The following FAM184A variants were observed in gnomAD, a reference collection of about 807,000 sequenced individuals.
The protein encoded by FAM184A is family with sequence similarity 184 member A, also known as protein FAM184A.
A neutral mutation model predicts 143.8 loss-of-function variants in FAM184A; 99 were observed. The ratio of observed to expected loss-of-function variants is 0.69; its 90% CI spans 0.58 to 0.81. The LOEUF (loss-of-function observed/expected upper bound fraction) is 0.81. Ranked by LOEUF, FAM184A falls within the 40% of genes least tolerant of loss-of-function variation. The pLI, the probability that FAM184A is intolerant of heterozygous loss-of-function variation, is 0.00. For synonymous variants in FAM184A, 427 were observed against 446.4 expected (o/e 0.96, Z 0.55); for missense variants, 1,217 against 1,310.5 (o/e 0.93, Z 1.10).
At chr6:119,032,482 TG>T (rs1376703700) in intron 1 of FAM184A, among the ~76,000 whole-genome samples, 1 of 20,324 alleles carries the variant, frequency 4.9e-5, no homozygotes, top group African/African-American at 1.9e-4. Context: ...AGGGAGGGGG[TG>T]GGGGAGGGGG....
intron 1 of FAM184A, among the ~76,000 whole-genome samples, chr6:119,091,159 T>A (rs761387791): frequency 3.3e-5 from 5 of 152,194 alleles, no homozygotes; most frequent in Non-Finnish European, 7.3e-5. Context: ...TTGATACAAG[T>A]CATTTTTCTC....
At chr6:119,101,292 G>C (rs117808722) in intron 1 of FAM184A, among the ~76,000 whole-genome samples, 2,160 of 151,828 alleles carry the variant, frequency 0.014, 29 homozygotes, top group Non-Finnish European at 0.02. Context: ...GAATGGTCTT[G>C]AACTCCCAAC....
chr6:119,127,834 T>G (rs547854523), intron 1 of FAM184A, among the ~76,000 whole-genome samples: 8 of 152,288 alleles, frequency 5.3e-5, no homozygotes, highest in African/African-American at 1.2e-4. Context: ...ATTCATGCAT[T>G]CATTCATTCA....
chr6:118,978,491 T>C (rs1017123596), intron 11 of FAM184A, among the ~76,000 whole-genome samples: 1 of 152,234 alleles, frequency 6.6e-6, no homozygotes, highest in African/African-American at 2.4e-5. Context: ...CTCTAGCACA[T>C]GAAAAGGCTT....
chr6:119,088,517 T>C (rs1788287256), intron 1 of FAM184A, among the ~76,000 whole-genome samples: 1 of 152,224 alleles, frequency 6.6e-6, no homozygotes, highest in Non-Finnish European at 1.5e-5. Context: ...CTTCCCATTT[T>C]GGCCAGAAGA....
rs141406373 is a variant in FAM184A at position 119,120,355 on chromosome 6, G to A, written c.-202+28723C>T. The stretch of plus-strand genomic sequence containing the variant: ...GTATCTATATTCATTCCTCTTTATG[G>A]CCAGATAATACTCCATTGTATAGAC... On this transcript the variant is annotated intron_variant, in intron 1 of 16. Transcript: ENST00000352896. Among the ~76,000 whole-genome samples, 19 of 152,186 alleles carry A rather than the reference G, an allele frequency of 1.2e-4. No individual in the cohort carries two copies. The East Asian group carries it at 3.7e-3, about 29-fold the overall frequency.
chr6:119,042,997 A>C (rs1490911938), intron 1 of FAM184A, among the ~76,000 whole-genome samples: 4 of 152,174 alleles, frequency 2.6e-5, no homozygotes, highest in African/African-American at 9.7e-5. Flanking sequence ...GAATGCCAAG[A>C]GTCAGGCAGC....
At chr6:119,014,209 A>G (rs1785170720) in intron 5 of FAM184A, among the ~76,000 whole-genome samples, 1 of 152,258 alleles carries the variant, frequency 6.6e-6, no homozygotes, top group South Asian at 2.1e-4. Flanking sequence ...GTACATAGTA[A>G]GAAGTACTAA....
At chr6:119,080,878 G>T (rs1189315242), upstream of FAM184A, among the ~76,000 whole-genome samples, 3 of 152,112 alleles carry the variant, frequency 2.0e-5, no homozygotes, top group Non-Finnish European at 4.4e-5. Context: ...AGGTTGAATT[G>T]GCTCACAGTT....
At chr6:119,063,757 TA>T (rs145913242) in intron 1 of FAM184A, among the ~76,000 whole-genome samples, 6 of 151,782 alleles carry the variant, frequency 4.0e-5, no homozygotes, top group African/African-American at 7.3e-5. Context: ...TCCCTCATAA[TA>T]AAAAAAATGC....
intron 1 of FAM184A, among the ~76,000 whole-genome samples, chr6:119,055,808 C>T (rs1027463914): frequency 3.3e-5 from 5 of 152,132 alleles, no homozygotes; most frequent in Non-Finnish European, 7.3e-5. Flanking sequence ...CCCTTTTCAG[C>T]TCCTGTCTTG....
chr6:119,116,431 T>G (rs1414837967), intron 1 of FAM184A, among the ~76,000 whole-genome samples: 1 of 151,956 alleles, frequency 6.6e-6, no homozygotes, highest in South Asian at 2.1e-4. Flanking sequence ...ACAGGATCGT[T>G]GGGACCTCAA....
rs780727935 is a variant in FAM184A at position 119,023,116 on chromosome 6, G to T, written c.1015-36C>A. On this transcript the variant is annotated intron_variant, in intron 2 of 17. Coordinates refer to ENST00000338891, the MANE Select transcript of FAM184A (RefSeq NM_024581.6). ...TTAAATAGCCATTGTTAAAATGCAG[G>T]AATAATACTAAGCTAAATAATTCAT... The T allele has an allele frequency of 4.4e-6, 7 of 1,606,308 alleles. No homozygotes were observed. The East Asian group carries it at 1.1e-4, about 26-fold the overall frequency.
At chr6:119,068,303 C>A (rs1216302412) in intron 1 of FAM184A, among the ~76,000 whole-genome samples, 1 of 152,032 alleles carries the variant, frequency 6.6e-6, no homozygotes, top group Non-Finnish European at 1.5e-5. Context: ...CCCACCTCGG[C>A]CTCCCAAAGT....
chr6:119,078,725 C>A (rs1209573305), upstream of FAM184A: 1 of 153,912 alleles, frequency 6.5e-6, no homozygotes, highest in African/African-American at 2.4e-5. The surrounding 1 kb of genome is among the most constrained non-coding windows in gnomAD (Gnocchi z 5.5). Flanking sequence ...TGGAGGAGGA[C>A]GCGGGAGCCG....
At chr6:119,108,960 C>T (rs56121233) in intron 1 of FAM184A, among the ~76,000 whole-genome samples, 13,596 of 151,112 alleles carry the variant, frequency 0.09, 835 homozygotes, top group East Asian at 0.23. Context: ...CCACTATTTT[C>T]CAAAACAAGT....
At position 118,986,958 on chromosome 6, in the gene FAM184A, ATGC is replaced by A. The variant is rs201189367; in HGVS notation, c.2089-6611_2089-6609del. On this transcript the variant is annotated intron_variant, in intron 9 of 17. Transcript: ENST00000338891. Reference sequence around the variant, plus strand: ...TGTTTCTTTTAAGAGATGAAAGAAAATGCTGCTAAATGTATTTGCATATTTTAA... The same window carrying A: ...TGTTTCTTTTAAGAGATGAAAGAAAATGCTAAATGTATTTGCATATTTTAA... 7.5e-3 allele frequency among the ~76,000 whole-genome samples: 1,139 copies of A among 152,346 alleles called. 6 individuals are homozygous for A. Among genetic ancestry groups the A allele is most frequent in the South Asian group, 0.024 (116 of 4,828 alleles).
intron 1 of FAM184A, among the ~76,000 whole-genome samples, chr6:119,067,054 C>T (rs1411115261): frequency 1.3e-5 from 2 of 152,154 alleles, no homozygotes; most frequent in Non-Finnish European, 2.9e-5. Context: ...GGTTTTGCTC[C>T]ATGCCCTGGA....
chr6:119,130,588 GATATAAAA>G (rs1442199575), intron 1 of FAM184A, among the ~76,000 whole-genome samples: 1 of 152,116 alleles, frequency 6.6e-6, no homozygotes, highest in African/African-American at 2.4e-5. Flanking sequence ...TAGCCCAAGT[GATATAAAA>G]AAATTAGCAA....
Sources: allele counts gnomAD v4.1 joint callset (sites outside exome capture counted in the v4.1 genomes callset), GRCh38; gene constraint gnomAD v4.1.1; non-coding constraint Gnocchi (gnomAD v3.1); transcripts MANE v1.5; gene names NCBI Gene and HGNC (gene_info 2026-07-23, HGNC 2026-07-21).